The following CNTNAP2 variants were observed in gnomAD, a reference collection of about 807,000 sequenced individuals.
CNTNAP2 encodes the protein contactin associated protein 2, also known as contactin-associated protein-like 2.
Under a neutral mutation model 155.2 loss-of-function variants are expected in CNTNAP2, and 98 were observed. The observed-to-expected ratio is 0.63, with a 90% CI of 0.54 to 0.75. The LOEUF (loss-of-function observed/expected upper bound fraction) is 0.75, where lower values mean the gene tolerates loss of function less well. CNTNAP2 is among the 30% of genes least tolerant of loss of function. The pLI is 0.00. For synonymous variants in CNTNAP2, 651 were observed against 631.2 expected, an observed-to-expected ratio of 1.03 and a Z score of -0.47; for missense variants, 1,727 against 1,688.1, an observed-to-expected ratio of 1.02 and a Z score of -0.40.
chr7:147,002,134 G>T (rs779920231), intron 3 of CNTNAP2, among the ~76,000 whole-genome samples: 7 of 151,832 alleles, frequency 4.6e-5, no homozygotes, highest in Non-Finnish European at 4.4e-5. Flanking sequence ...TATACAAAGA[G>T]AAACTTTAAA....
At chr7:147,402,183 T>C (rs1796928085) in intron 10 of CNTNAP2, among the ~76,000 whole-genome samples, 1 of 152,186 alleles carries the variant, frequency 6.6e-6, no homozygotes, top group Admixed American at 6.5e-5. Context: ...AAGGTAAACT[T>C]CCTTTTGTGG....
chr7:148,101,486 A>G (rs952855574), intron 15 of CNTNAP2, among the ~76,000 whole-genome samples: 1 of 151,938 alleles, frequency 6.6e-6, no homozygotes, highest in African/African-American at 2.4e-5. Flanking sequence ...TACTAAATGC[A>G]CTTGAAATTT....
intron 9 of CNTNAP2, among the ~76,000 whole-genome samples, chr7:147,368,283 G>A (rs1188642006): frequency 1.3e-5 from 2 of 151,894 alleles, no homozygotes; most frequent in Non-Finnish European, 2.9e-5. Flanking sequence ...TGGACAGCTG[G>A]TCAACTCTCT....
intron 14 of CNTNAP2, among the ~76,000 whole-genome samples, chr7:147,929,563 A>G (rs1254029195): frequency 2.0e-5 from 3 of 152,224 alleles, no homozygotes; most frequent in Non-Finnish European, 4.4e-5. Context: ...AGCCATTTAG[A>G]GATAGACTAA....
At chr7:148,382,549 A>G (rs921816203) in intron 21 of CNTNAP2, among the ~76,000 whole-genome samples, 1 of 152,216 alleles carries the variant, frequency 6.6e-6, no homozygotes, top group Non-Finnish European at 1.5e-5. Context: ...TTCACAATAG[A>G]TAACAGAACG....
intron 16 of CNTNAP2, among the ~76,000 whole-genome samples, chr7:148,132,286 G>T (rs1459868337): frequency 1.3e-5 from 2 of 152,082 alleles, no homozygotes; most frequent in Non-Finnish European, 1.5e-5. Context: ...AGACTTACAT[G>T]AAATCTTATA....
chr7:146,256,766 T>C (rs554750111), intron 1 of CNTNAP2, among the ~76,000 whole-genome samples: 34 of 152,206 alleles, frequency 2.2e-4, no homozygotes, highest in Non-Finnish European at 4.4e-4. Flanking sequence ...GCAATGCAGA[T>C]ATTTCCTTCA....
intron 14 of CNTNAP2, among the ~76,000 whole-genome samples, chr7:147,931,241 T>C (rs2116798710): frequency 6.7e-6 from 1 of 149,942 alleles, no homozygotes; most frequent in South Asian, 2.1e-4. Context: ...AGAAATATTT[T>C]CTAAAAAGAT....
intron 8 of CNTNAP2, among the ~76,000 whole-genome samples, chr7:147,277,656 G>C (rs76143438): frequency 0.011 from 1,652 of 151,698 alleles, 30 homozygotes; most frequent in African/African-American, 0.038. Context: ...CTGTACACTA[G>C]AAAGTACCAT....
intron 3 of CNTNAP2, 118 bp downstream of exon 3, chr7:146,840,022 C>T (rs1014079934): frequency 7.4e-6 from 9 of 1,209,014 alleles, no homozygotes; most frequent in Non-Finnish European, 1.1e-5. Flanking sequence ...CATTGGGAAA[C>T]TATTTATTCA....
At chr7:147,798,478 A>G (rs969324362) in intron 13 of CNTNAP2, among the ~76,000 whole-genome samples, 7 of 152,294 alleles carry the variant, frequency 4.6e-5, no homozygotes, top group African/African-American at 1.7e-4. Context: ...CAACTCAGTG[A>G]TTCTCTGGGT....
At chr7:148,004,221 A>G (rs1356139669) in intron 15 of CNTNAP2, among the ~76,000 whole-genome samples, 3 of 152,214 alleles carry the variant, frequency 2.0e-5, no homozygotes, top group Non-Finnish European at 4.4e-5. Context: ...ATATTCCAAT[A>G]TCTCAAATTC....
chr7:146,693,365 T>A (rs574857818), intron 1 of CNTNAP2, among the ~76,000 whole-genome samples: 120 of 152,062 alleles, frequency 7.9e-4, no homozygotes, highest in Non-Finnish European at 9.3e-4. Flanking sequence ...CAGAAACAAA[T>A]AATTTATTCA....
chr7:146,660,315 G>C (rs1262163679), intron 1 of CNTNAP2, among the ~76,000 whole-genome samples: 2 of 152,196 alleles, frequency 1.3e-5, no homozygotes, highest in Non-Finnish European at 2.9e-5. Context: ...CTTACATACA[G>C]TCAAAGATGG....
chr7:146,787,063 GC>G (rs1802586273), intron 2 of CNTNAP2, among the ~76,000 whole-genome samples: 1 of 152,186 alleles, frequency 6.6e-6, no homozygotes, highest in Non-Finnish European at 1.5e-5. Context: ...CCAGTGTCTG[GC>G]ACATACATAT....
At chr7:147,106,155 A>T (rs1800761438) in intron 4 of CNTNAP2, among the ~76,000 whole-genome samples, 1 of 152,102 alleles carries the variant, frequency 6.6e-6, no homozygotes, top group South Asian at 2.1e-4. Context: ...TATGTCAATT[A>T]AAATATGCTA....
At chr7:146,633,637 T>G (rs755343629) in intron 1 of CNTNAP2, among the ~76,000 whole-genome samples, 12 of 151,604 alleles carry the variant, frequency 7.9e-5, no homozygotes, top group Non-Finnish European at 1.3e-4. Context: ...AAAAAATAGA[T>G]ATAAGGATGG....
intron 1 of CNTNAP2, among the ~76,000 whole-genome samples, chr7:146,188,186 A>G (rs901021006): frequency 6.6e-6 from 1 of 152,216 alleles, no homozygotes; most frequent in Non-Finnish European, 1.5e-5. Flanking sequence ...ACCACAAAAA[A>G]TTCCATAAGG....
chr7:148,281,912 T>C (rs914877726), intron 21 of CNTNAP2, among the ~76,000 whole-genome samples: 2 of 144,436 alleles, frequency 1.4e-5, no homozygotes, highest in Non-Finnish European at 3.0e-5. Flanking sequence ...CTCAGCTCAC[T>C]GCAACCTCCA....
Sources: gnomAD v4.1 joint callset for allele counts (sites outside exome capture counted in the v4.1 genomes callset) on GRCh38, gnomAD v4.1.1 for gene constraint, MANE v1.5 for transcripts, NCBI Gene and HGNC (gene_info 2026-07-23, HGNC 2026-07-21) for gene names.